PBX1: variants seen among roughly 807,000 people sequenced by gnomAD.
PBX1 encodes the protein pre-B-cell leukemia transcription factor 1.
In PBX1, 6 loss-of-function variants were observed where a neutral mutation model predicts 53.4. The observed-to-expected ratio is 0.11, with a 90% CI of 0.06 to 0.22. The LOEUF is 0.22. PBX1 is among the 10% of genes least tolerant of loss of function. The probability of loss-of-function intolerance (pLI) is 1.00; values close to 1 mark genes in which losing one functional copy is unlikely to be tolerated. For missense variants in PBX1, 251 were observed against 551.4 expected (o/e 0.46, Z 5.46); for synonymous variants, 204 against 212.3 (o/e 0.96, Z 0.34).
chr1:164,795,923 C>T (rs1185011640), intron 3 of PBX1, among the ~76,000 whole-genome samples: 1 of 152,072 alleles, frequency 6.6e-6, no homozygotes, highest in Non-Finnish European at 1.5e-5. Flanking sequence ...TTGTAGCTCA[C>T]CCTCACCCTT....
At chr1:164,672,805 T>C (rs1661191749) in intron 2 of PBX1, among the ~76,000 whole-genome samples, 1 of 152,232 alleles carries the variant, frequency 6.6e-6, no homozygotes, top group Admixed American at 6.5e-5. Context: ...CTGGGGAGTG[T>C]CCTTCCTCAC....
At chr1:164,820,881 G>T (rs550430093) in intron 7 of PBX1, among the ~76,000 whole-genome samples, 1 of 152,262 alleles carries the variant, frequency 6.6e-6, no homozygotes, top group East Asian at 1.9e-4. Context: ...TACTAGGGAA[G>T]TTCTGAGCCA....
intron 2 of PBX1, among the ~76,000 whole-genome samples, chr1:164,583,766 T>A (rs1222688410): frequency 6.6e-6 from 1 of 151,040 alleles, no homozygotes; most frequent in Non-Finnish European, 1.5e-5. Flanking sequence ...TCCTCTTCCT[T>A]CTTTCTATTT....
chr1:164,583,593 G>A (rs1654767745), intron 2 of PBX1, among the ~76,000 whole-genome samples: 1 of 152,148 alleles, frequency 6.6e-6, no homozygotes, highest in African/African-American at 2.4e-5. Context: ...TGGTTCCTAA[G>A]AAGGCCAGGA....
At chr1:164,770,223 G>T (rs189300026) in intron 2 of PBX1, 1 of 152,176 alleles carries the variant, frequency 6.6e-6, no homozygotes, top group Non-Finnish European at 1.5e-5. Flanking sequence ...TTCCAGGTCC[G>T]TGTCTTAGCC....
intron 2 of PBX1, among the ~76,000 whole-genome samples, chr1:164,579,331 T>C (rs577146902): frequency 1.3e-5 from 2 of 151,496 alleles, no homozygotes; most frequent in South Asian, 4.2e-4. Context: ...AGCGTCATCT[T>C]TCACTTTCAT....
At chr1:164,707,060 G>A (rs952292639) in intron 2 of PBX1, among the ~76,000 whole-genome samples, 1 of 152,144 alleles carries the variant, frequency 6.6e-6, no homozygotes, top group Non-Finnish European at 1.5e-5. Flanking sequence ...TCTGGAGGCT[G>A]AAAGGGAGTG....
chr1:164,570,067 A>C (rs1653739796), intron 2 of PBX1, among the ~76,000 whole-genome samples: 1 of 152,214 alleles, frequency 6.6e-6, no homozygotes, highest in Non-Finnish European at 1.5e-5. Context: ...TAGCGTCAGC[A>C]ACTGGAGGCA....
At chr1:164,674,872 C>G in intron 2 of PBX1, 1 of 132,248 alleles carries the variant, frequency 7.6e-6, no homozygotes, top group Non-Finnish European at 1.6e-5. Context: ...CACCCACCAC[C>G]AAGAGGATCT....
At chr1:164,778,498 G>A (rs1477556613) in intron 2 of PBX1, among the ~76,000 whole-genome samples, 17 of 152,084 alleles carry the variant, frequency 1.1e-4, no homozygotes, top group South Asian at 6.2e-4. Flanking sequence ...GTAGCCGGGC[G>A]TGGTAGTGTG....
chr1:164,668,644 C>A (rs1660947817), intron 2 of PBX1, among the ~76,000 whole-genome samples: 1 of 152,182 alleles, frequency 6.6e-6, no homozygotes, highest in South Asian at 2.1e-4. Flanking sequence ...GTAACATACT[C>A]TTCCCCTTTC....
chr1:164,666,706 A>G (rs1660829516), intron 2 of PBX1, among the ~76,000 whole-genome samples: 1 of 152,230 alleles, frequency 6.6e-6, no homozygotes, highest in African/African-American at 2.4e-5. Flanking sequence ...GACGGGAAGG[A>G]GAGGATTCCT....
chr1:164,799,953 A>G, intron 4 of PBX1, 64 bp downstream of exon 4: 1 of 1,449,936 alleles, frequency 6.9e-7, no homozygotes, highest in Non-Finnish European at 9.5e-7. Context: ...TGGAGTCCAC[A>G]GCCGCTGCCC....
At chr1:164,641,850 A>G (rs955525609) in intron 2 of PBX1, 1 of 152,158 alleles carries the variant, frequency 6.6e-6, no homozygotes, top group Non-Finnish European at 1.5e-5. Flanking sequence ...TTGCATGCTG[A>G]GGATGATTTT....
intron 2 of PBX1, among the ~76,000 whole-genome samples, chr1:164,604,391 T>C (rs1165592411): frequency 1.3e-5 from 2 of 152,224 alleles, no homozygotes; most frequent in Admixed American, 6.5e-5. Context: ...TTCCCATTAC[T>C]CTAAGGGTTA....
At chr1:164,592,616 T>C (rs1015241294) in intron 2 of PBX1, among the ~76,000 whole-genome samples, 12 of 151,632 alleles carry the variant, frequency 7.9e-5, no homozygotes, top group Admixed American at 6.6e-4. Context: ...CCAGGGGGAG[T>C]GAAAGGGAAT....
intron 8 of PBX1, among the ~76,000 whole-genome samples, chr1:164,833,892 T>C (rs915131544): frequency 1.3e-5 from 2 of 151,508 alleles, no homozygotes; most frequent in African/African-American, 4.9e-5. Context: ...TTTTGTACTT[T>C]TTTTTTTTTT....
At chr1:164,772,374 G>T (rs1462994776) in intron 2 of PBX1, among the ~76,000 whole-genome samples, 1 of 152,176 alleles carries the variant, frequency 6.6e-6, no homozygotes, top group African/African-American at 2.4e-5. Context: ...CACTCTAAAA[G>T]TGTGCTTGTT....
chr1:164,789,253 G>A (rs933048455), intron 2 of PBX1, among the ~76,000 whole-genome samples: 2 of 152,188 alleles, frequency 1.3e-5, no homozygotes, highest in African/African-American at 4.8e-5. Flanking sequence ...GAGGTGTGTA[G>A]AGTTTGTGTG....
Sources: allele counts gnomAD v4.1 joint callset (sites outside exome capture counted in the v4.1 genomes callset), GRCh38; gene constraint gnomAD v4.1.1; transcripts MANE v1.5; gene names NCBI Gene and HGNC (gene_info 2026-07-23, HGNC 2026-07-21).